Variants in ZNF69 observed in about 807,000 individuals in gnomAD.
ZNF69 encodes the protein zinc finger protein 69.
A neutral mutation model predicts 50.9 loss-of-function variants in ZNF69; 47 were observed. The observed-to-expected ratio is 0.92, with a 90% confidence interval of 0.73 to 1.18. The LOEUF (loss-of-function observed/expected upper bound fraction) is 1.18, where lower values mean the gene tolerates loss of function less well. ZNF69 is among the 50% of genes most tolerant of loss of function. The pLI, the probability that ZNF69 is intolerant of heterozygous loss-of-function variation, is 0.00. For missense variants in ZNF69, 717 were observed against 675.1 expected (o/e 1.06, Z -0.69); for synonymous variants, 216 against 223.1 (o/e 0.97, Z 0.29).
intron 1 of ZNF69, among the ~76,000 whole-genome samples, chr19:11,888,603 T>C (rs976077268): frequency 6.6e-6 from 1 of 152,194 alleles, no homozygotes; most frequent in African/African-American, 2.4e-5. Context: ...GTTTTATTCA[T>C]TTTAGAGAGA....
rs535208498 is a variant in ZNF69 at position 11,900,196 on chromosome 19, C to A, written c.64-3377C>A. Among the ~76,000 whole-genome samples the A allele has an allele frequency of 4.4e-4, 67 of 152,068 alleles. 1 individual carries two copies. In the Middle Eastern group the frequency reaches 0.014, roughly 31 times the overall value. On this transcript the variant is annotated intron_variant, in intron 1 of 3. Transcript: ENST00000429654. ...CTCAAACTTTTGACCTCAGGTGATC[C>A]ACCCGCCTCAGCTTCCCAAAGGGCT...
chr19:11,958,867 G>A, the ZNF69 span, among the ~76,000 whole-genome samples: 5 of 152,124 alleles, frequency 3.3e-5, no homozygotes, highest in Non-Finnish European at 2.9e-5. Flanking sequence ...TCATTCATTC[G>A]TTTGTTTGCT....
At chr19:11,942,447 T>C in the ZNF69 span, among the ~76,000 whole-genome samples, 1 of 152,174 alleles carries the variant, frequency 6.6e-6, no homozygotes, top group Admixed American at 6.6e-5. Context: ...CAGCTCGTTT[T>C]TCTCCCTGGA....
At chr19:11,916,300 G>C (rs1472255964), downstream of ZNF69, among the ~76,000 whole-genome samples, 1 of 152,044 alleles carries the variant, frequency 6.6e-6, no homozygotes, top group Non-Finnish European at 1.5e-5. Context: ...CTTGTATATA[G>C]GCTTAGAAGG....
chr19:11,921,839 G>A, the ZNF69 span, among the ~76,000 whole-genome samples: 1 of 152,110 alleles, frequency 6.6e-6, no homozygotes, highest in Non-Finnish European at 1.5e-5. Flanking sequence ...AACATCTAAC[G>A]TTCAAGTTAT....
the ZNF69 span, chr19:11,978,487 G>A: frequency 3.7e-5 from 59 of 1,614,178 alleles, no homozygotes; most frequent in Admixed American, 2.5e-4. Flanking sequence ...TCAGGCATTC[G>A]AAGACGCATG....
chr19:11,947,361 C>T, the ZNF69 span: 1 of 1,610,768 alleles, frequency 6.2e-7, no homozygotes. Flanking sequence ...GTGTTTCTAG[C>T]TCATGAATGC....
rs1568269420 is a variant in ZNF69 at position 11,887,791 on chromosome 19, C to T, written c.-133C>T. 1.4e-5 allele frequency: 9 copies of T among 633,428 alleles called. No homozygotes were observed. The allele number at this position is 633,428 out of a possible 1,614,324, so 39.2% of individuals were successfully genotyped here. On this transcript the variant is annotated 5_prime_UTR_variant, in exon 1 of 4. Coordinates refer to ENST00000429654, the MANE Select transcript of ZNF69 (RefSeq NM_001364730.1). ...TGGCGGGTCCCTGCCCACTGTTCCT[C>T]CAGACACTGAGGGGGTCGCATTCCT...
At chr19:11,952,622 C>A in the ZNF69 span, among the ~76,000 whole-genome samples, 1 of 152,338 alleles carries the variant, frequency 6.6e-6, no homozygotes, top group Non-Finnish European at 1.5e-5. Flanking sequence ...AATCCAGGCA[C>A]CAAAGGATGC....
chr19:11,921,794 C>T, the ZNF69 span, among the ~76,000 whole-genome samples: 4 of 152,230 alleles, frequency 2.6e-5, no homozygotes, highest in South Asian at 6.2e-4. Context: ...TGAGCCACTG[C>T]GCCCGGCCCT....
the ZNF69 span, among the ~76,000 whole-genome samples, chr19:11,965,391 G>A: frequency 6.6e-6 from 1 of 152,204 alleles, no homozygotes; most frequent in African/African-American, 2.4e-5. Flanking sequence ...CTGGCAGCCG[G>A]GACCCCGGGT....
chr19:11,948,257 T>A, the ZNF69 span: 68 of 1,605,970 alleles, frequency 4.2e-5, 3 homozygotes, highest in South Asian at 6.8e-4. Flanking sequence ...CTTCATGATG[T>A]GTTTCTCATG....
intron 1 of ZNF69, among the ~76,000 whole-genome samples, chr19:11,894,233 G>A (rs191348504): frequency 3.7e-4 from 56 of 152,082 alleles, no homozygotes; most frequent in South Asian, 3.3e-3. Context: ...GCAGTGGCAC[G>A]ACCTCGGCTC....
the ZNF69 span, among the ~76,000 whole-genome samples, chr19:11,944,150 C>G: frequency 6.6e-6 from 1 of 152,218 alleles, no homozygotes; most frequent in African/African-American, 2.4e-5. Context: ...TCTCGTTTAC[C>G]TAGGCTGAGA....
intron 1 of ZNF69, among the ~76,000 whole-genome samples, chr19:11,897,824 A>G (rs1340151412): frequency 1.3e-5 from 2 of 150,216 alleles, no homozygotes; most frequent in Non-Finnish European, 3.0e-5. Context: ...GTGAGCCAAG[A>G]TGGCGCCACT....
At chr19:11,914,483 T>G (rs1599366448), downstream of ZNF69, among the ~76,000 whole-genome samples, 1 of 152,326 alleles carries the variant, frequency 6.6e-6, no homozygotes, top group East Asian at 1.9e-4. Context: ...TTATGCCTTA[T>G]AAAGCTATAT....
intron 1 of ZNF69, among the ~76,000 whole-genome samples, chr19:11,893,128 C>T (rs1177956983): frequency 1.3e-5 from 2 of 152,156 alleles, no homozygotes; most frequent in South Asian, 2.1e-4. Flanking sequence ...AGCCAGCTTT[C>T]CTGGCCTGAC....
At chr19:11,915,922 C>T (rs1209481449), downstream of ZNF69, among the ~76,000 whole-genome samples, 2 of 151,954 alleles carry the variant, frequency 1.3e-5, no homozygotes, top group East Asian at 3.9e-4. Flanking sequence ...AAAAAAAAAG[C>T]TCACTTGGTT....
intron 1 of ZNF69, among the ~76,000 whole-genome samples, chr19:11,894,410 G>T (rs1977173292): frequency 6.6e-6 from 1 of 152,154 alleles, no homozygotes; most frequent in South Asian, 2.1e-4. Context: ...AAAGTGCTGG[G>T]ATTACAGGCA....
Sources: gnomAD v4.1 joint callset for allele counts (sites outside exome capture counted in the v4.1 genomes callset) on GRCh38, gnomAD v4.1.1 for gene constraint, MANE v1.5 for transcripts, NCBI Gene and HGNC (gene_info 2026-07-23, HGNC 2026-07-21) for gene names.